Variants in TNPO1 observed in about 807,000 individuals in gnomAD.
The protein encoded by TNPO1 is transportin 1.
In TNPO1, 8 loss-of-function variants were observed where a neutral mutation model predicts 119.5. The ratio of observed to expected loss-of-function variants is 0.07; its 90% CI spans 0.04 to 0.12. The LOEUF (loss-of-function observed/expected upper bound fraction) is 0.12. Among genes scored for constraint, TNPO1 ranks in the 10% least tolerant of loss-of-function variants. TNPO1 has a pLI of 1.00. For synonymous variants in TNPO1, 362 were observed against 363.0 expected (o/e 1.00, Z 0.03); for missense variants, 576 against 1,089.8 (o/e 0.53, Z 6.64).
chr5:72,832,862 C>G (rs1449720036), intron 1 of TNPO1, among the ~76,000 whole-genome samples: 1 of 152,126 alleles, frequency 6.6e-6, no homozygotes, highest in Non-Finnish European at 1.5e-5. Context: ...TGACTTTATT[C>G]TGGGTTTTCT....
chr5:72,861,639 A>G (rs1323600193), intron 4 of TNPO1, among the ~76,000 whole-genome samples, 169 bp from the exon 5 acceptor site: 2 of 151,856 alleles, frequency 1.3e-5, no homozygotes, highest in Admixed American at 6.6e-5. Flanking sequence ...CCTGGGCTCA[A>G]GAGATCTGCC....
At chr5:72,884,439 T>C (rs1321678918) in intron 11 of TNPO1, among the ~76,000 whole-genome samples, 3 of 152,210 alleles carry the variant, frequency 2.0e-5, no homozygotes, top group Non-Finnish European at 2.9e-5. Flanking sequence ...GTCTGGTAAT[T>C]TGCATGAAAA....
chr5:72,885,794 A>G (rs1016886628), intron 11 of TNPO1, among the ~76,000 whole-genome samples: 2 of 137,822 alleles, frequency 1.5e-5, no homozygotes, highest in Non-Finnish European at 3.1e-5. Context: ...GTTTGTGATT[A>G]GCCATTTACT....
At chr5:72,884,720 T>C (rs1412779896) in intron 11 of TNPO1, among the ~76,000 whole-genome samples, 1 of 152,198 alleles carries the variant, frequency 6.6e-6, no homozygotes, top group African/African-American at 2.4e-5. Context: ...TTTCTCAGCC[T>C]TGGCACTATT....
chr5:72,865,649 C>T lies in TNPO1; in HGVS notation c.516C>T (p.Asp172=). ...GTGAAGATTCTGCTGAGATTTTAGA[C>T]AGTGATGTTTTAGATCGTCCTCTCA... is the stretch of plus-strand genomic sequence containing the variant. The part of the protein sequence containing the change: ...KICEDSAEIL[D]SDVLDRPLNI... Residue 172 remains aspartate, a synonymous_variant, in exon 6 of 25, where the codon GAC becomes GAT. Transcript: ENST00000337273. The T allele has an allele frequency of 6.2e-7, 1 of 1,613,294 alleles. No homozygotes were observed. The highest frequency in any genetic ancestry group is 1.1e-5 in the South Asian group (1 of 91,054).
chr5:72,883,524 A>G (rs62363382), intron 11 of TNPO1, among the ~76,000 whole-genome samples: 2 of 152,166 alleles, frequency 1.3e-5, no homozygotes, highest in Non-Finnish European at 1.5e-5. Context: ...CATACAATGC[A>G]TTGTCCTTTG....
intron 5 of TNPO1, 62 bp downstream of exon 5, chr5:72,861,976 T>C: frequency 7.7e-7 from 1 of 1,306,548 alleles, no homozygotes; most frequent in East Asian, 2.4e-5. Flanking sequence ...TGTTGTGTAT[T>C]AGCAGCTTTT....
At chr5:72,907,424 C>T (rs1411826379) in intron 24 of TNPO1, among the ~76,000 whole-genome samples, 2 of 152,144 alleles carry the variant, frequency 1.3e-5, no homozygotes, top group African/African-American at 2.4e-5. Flanking sequence ...TTTTGTACTC[C>T]TCTTCCTTTT....
chr5:72,826,790 C>T (rs182688316), intron 1 of TNPO1, among the ~76,000 whole-genome samples: 4 of 152,176 alleles, frequency 2.6e-5, no homozygotes, highest in African/African-American at 7.2e-5. Context: ...TAGAGAAGAA[C>T]GCTACAAGGA....
At chr5:72,832,376 A>C (rs1744512257) in intron 1 of TNPO1, among the ~76,000 whole-genome samples, 1 of 152,052 alleles carries the variant, frequency 6.6e-6, no homozygotes, top group African/African-American at 2.4e-5. Context: ...CCTCCTGTGA[A>C]TTTTCTTTCA....
chr5:72,901,527 A>C (rs1014354188), intron 22 of TNPO1, among the ~76,000 whole-genome samples: 10 of 152,196 alleles, frequency 6.6e-5, no homozygotes, highest in Admixed American at 2.0e-4. Flanking sequence ...AAATTGCTCT[A>C]ATTTTGAGAG....
intron 9 of TNPO1, 88 bp from the exon 10 acceptor site, chr5:72,882,379 G>T: frequency 2.2e-6 from 2 of 918,718 alleles, no homozygotes; most frequent in African/African-American, 1.7e-5. Flanking sequence ...TTATCTCATT[G>T]GTTTTATTAG....
chr5:72,860,598 C>T (rs574656528), intron 4 of TNPO1, among the ~76,000 whole-genome samples: 30 of 152,310 alleles, frequency 2.0e-4, no homozygotes, highest in African/African-American at 7.0e-4. Flanking sequence ...CACCCAGCCT[C>T]GAAGATCGCC....
chr5:72,890,056 T>A (rs1748935655), intron 14 of TNPO1, 99 bp downstream of exon 14: 1 of 1,364,472 alleles, frequency 7.3e-7, no homozygotes, highest in Middle Eastern at 1.8e-4. Context: ...TTGGGAGATG[T>A]GAATAGTTAG....
At chr5:72,876,248 A>G (rs1192947359) in intron 8 of TNPO1, among the ~76,000 whole-genome samples, 1 of 152,242 alleles carries the variant, frequency 6.6e-6, no homozygotes, top group Non-Finnish European at 1.5e-5. Context: ...GCAAAAGAGT[A>G]GGACATGATG....
In TNPO1 at chr5:72,847,939, C is replaced by A. The variant is rs2112237345; in HGVS notation, c.16-446C>A. Among the ~76,000 whole-genome samples the A allele has an allele frequency of 2.0e-5, 3 of 152,316 alleles. 1 individual carries two copies. The South Asian group carries it at 6.2e-4, about 32-fold the overall frequency. Reference sequence around the variant, plus strand: ...CCATGTGTATGTAAAATAATATACCCAAAACAGATCTCTTCAGGTGTTTCG... The same window carrying A: ...CCATGTGTATGTAAAATAATATACCAAAAACAGATCTCTTCAGGTGTTTCG... On this transcript the variant is annotated intron_variant, in intron 1 of 24. Transcript: ENST00000337273.
At chr5:72,894,913 G>T (rs993630046) in intron 18 of TNPO1, among the ~76,000 whole-genome samples, 1 of 151,994 alleles carries the variant, frequency 6.6e-6, no homozygotes, top group African/African-American at 2.4e-5. Context: ...TTATATGAAA[G>T]GATTTAATTT....
chr5:72,880,219 A>G (rs1748132200), intron 9 of TNPO1, among the ~76,000 whole-genome samples: 1 of 152,152 alleles, frequency 6.6e-6, no homozygotes, highest in Non-Finnish European at 1.5e-5. Flanking sequence ...CAGTGTAACA[A>G]GGAGGATATT....
chr5:72,855,961 T>C, intron 4 of TNPO1, 38 bp downstream of exon 4: 1 of 1,600,614 alleles, frequency 6.2e-7, no homozygotes. Context: ...ACTTTGTTTG[T>C]AACTGGGTCA....
Sources: gnomAD v4.1 joint callset for allele counts (sites outside exome capture counted in the v4.1 genomes callset) on GRCh38, gnomAD v4.1.1 for gene constraint, MANE v1.5 for transcripts, NCBI Gene and HGNC (gene_info 2026-07-23, HGNC 2026-07-21) for gene names.